The following GALNT13 variants were observed in gnomAD, a reference collection of about 807,000 sequenced individuals.
GALNT13 encodes UDP-GalNAc:polypeptide N-acetylgalactosaminyltransferase 13.
GALNT13 carries 28 observed loss-of-function variants against 64.2 expected under a neutral mutation model. The ratio of observed to expected loss-of-function variants is 0.44; its 90% CI spans 0.32 to 0.60. The LOEUF is 0.60. Among genes scored for constraint, GALNT13 ranks in the 20% least tolerant of loss-of-function variants. GALNT13 has a pLI of 0.05. For synonymous variants in GALNT13, 214 were observed against 224.6 expected (o/e 0.95, Z 0.42); for missense variants, 577 against 669.8 (o/e 0.86, Z 1.53).
At chr2:153,442,493 A>C in the GALNT13 span, among the ~76,000 whole-genome samples, 4 of 151,922 alleles carry the variant, frequency 2.6e-5, no homozygotes, top group East Asian at 1.9e-4. Flanking sequence ...CTCTTTTTCT[A>C]TTGTTTAGAA....
chr2:154,098,267 G>A (rs907105969), intron 3 of GALNT13, among the ~76,000 whole-genome samples: 1 of 151,782 alleles, frequency 6.6e-6, no homozygotes, highest in Non-Finnish European at 1.5e-5. Context: ...CTCAAGATAC[G>A]ACATGTAAAC....
At chr2:153,602,181 T>A in the GALNT13 span, among the ~76,000 whole-genome samples, 1 of 151,902 alleles carries the variant, frequency 6.6e-6, no homozygotes, top group East Asian at 1.9e-4. Flanking sequence ...TCATGCTTTA[T>A]GTTTCCAGTC....
chr2:153,306,222 G>T, the GALNT13 span, among the ~76,000 whole-genome samples: 1 of 152,082 alleles, frequency 6.6e-6, no homozygotes, highest in Admixed American at 6.6e-5. Context: ...TTTCTTGTGT[G>T]CATGAAGATA....
At chr2:154,014,784 C>T (rs1344595320) in intron 3 of GALNT13, among the ~76,000 whole-genome samples, 2 of 151,628 alleles carry the variant, frequency 1.3e-5, no homozygotes, top group Admixed American at 1.3e-4. Flanking sequence ...AGGCGCCCAC[C>T]ACCACTCCCA....
chr2:153,587,984 T>G, the GALNT13 span, among the ~76,000 whole-genome samples: 4 of 152,198 alleles, frequency 2.6e-5, no homozygotes, highest in African/African-American at 9.7e-5. Context: ...ACAGGCCCCA[T>G]GCAAGTCTGA....
the GALNT13 span, among the ~76,000 whole-genome samples, chr2:153,639,018 A>G: frequency 6.6e-6 from 1 of 151,244 alleles, no homozygotes; most frequent in South Asian, 2.1e-4. Flanking sequence ...ATAGGTCTAG[A>G]TAAAGAGTAG....
chr2:153,919,754 C>T (rs1172910964), intron 2 of GALNT13, among the ~76,000 whole-genome samples: 1 of 151,652 alleles, frequency 6.6e-6, no homozygotes, highest in African/African-American at 2.4e-5. Flanking sequence ...ATAGCAATGG[C>T]TAACATGTAC....
At chr2:153,082,598 TATATATATATATATATATATAC>T in the GALNT13 span, among the ~76,000 whole-genome samples, 12 of 46,328 alleles carry the variant, frequency 2.6e-4, no homozygotes, top group East Asian at 1.3e-3. Context: ...TATATATATA[TATATATATATATATATATATAC>T]ACACACACAC....
the GALNT13 span, among the ~76,000 whole-genome samples, chr2:153,450,649 T>C: frequency 6.6e-6 from 1 of 152,014 alleles, no homozygotes; most frequent in Non-Finnish European, 1.5e-5. Context: ...ATTGCAGATG[T>C]CTATTATATT....
At chr2:153,107,273 G>T in the GALNT13 span, among the ~76,000 whole-genome samples, 4 of 152,154 alleles carry the variant, frequency 2.6e-5, no homozygotes, top group Non-Finnish European at 5.9e-5. Context: ...TGAACAATCA[G>T]ATGTAGAGAT....
intron 1 of GALNT13, among the ~76,000 whole-genome samples, chr2:153,883,018 G>A (rs1439907577): frequency 6.7e-6 from 1 of 148,396 alleles, no homozygotes; most frequent in African/African-American, 2.5e-5. Flanking sequence ...GACCATAAAA[G>A]AGACAAATAT....
At chr2:153,441,175 G>C in the GALNT13 span, among the ~76,000 whole-genome samples, 1 of 152,126 alleles carries the variant, frequency 6.6e-6, no homozygotes, top group South Asian at 2.1e-4. Flanking sequence ...TGGCTGGCCA[G>C]TTTTCCCAAT....
chr2:153,363,557 CA>C, the GALNT13 span, among the ~76,000 whole-genome samples: 8 of 152,078 alleles, frequency 5.3e-5, no homozygotes, highest in African/African-American at 1.9e-4. Context: ...GGGGATATCA[CA>C]ACTGACCCAA....
At chr2:153,221,822 C>T in the GALNT13 span, among the ~76,000 whole-genome samples, 5 of 152,222 alleles carry the variant, frequency 3.3e-5, no homozygotes. Context: ...AGATGCACCA[C>T]AAGCGGCTTC....
chr2:153,325,661 G>A, the GALNT13 span, among the ~76,000 whole-genome samples: 1 of 152,144 alleles, frequency 6.6e-6, no homozygotes, highest in African/African-American at 2.4e-5. Context: ...TGTAAACACT[G>A]CTTTAGCTAT....
chr2:154,047,604 A>T (rs557865670), intron 3 of GALNT13, among the ~76,000 whole-genome samples: 1 of 152,344 alleles, frequency 6.6e-6, no homozygotes, highest in South Asian at 2.1e-4. Context: ...AGATTGAATA[A>T]GTTAATAAAT....
intron 3 of GALNT13, among the ~76,000 whole-genome samples, chr2:153,973,444 G>T (rs1379179333): frequency 6.6e-6 from 1 of 151,882 alleles, no homozygotes; most frequent in Admixed American, 6.6e-5. Context: ...TTATAACTCA[G>T]TTACTAGCAA....
At chr2:153,652,783 T>C in the GALNT13 span, among the ~76,000 whole-genome samples, 1 of 152,320 alleles carries the variant, frequency 6.6e-6, no homozygotes, top group Non-Finnish European at 1.5e-5. Flanking sequence ...CACCATCTGA[T>C]GCAGAATTTC....
chr2:153,114,009 C>A, the GALNT13 span, among the ~76,000 whole-genome samples: 1 of 151,978 alleles, frequency 6.6e-6, no homozygotes, highest in Non-Finnish European at 1.5e-5. Context: ...TTGCCAATAC[C>A]AGCCATTTAG....
Sources: allele counts gnomAD v4.1 joint callset (sites outside exome capture counted in the v4.1 genomes callset), GRCh38; gene constraint gnomAD v4.1.1; transcripts MANE v1.5; gene names NCBI Gene and HGNC (gene_info 2026-07-23, HGNC 2026-07-21).